Variants in SMC3 observed in about 807,000 individuals in gnomAD.
SMC3 encodes the protein structural maintenance of chromosomes protein 3.
A neutral mutation model predicts 171.8 loss-of-function variants in SMC3; 20 were observed. The ratio of observed to expected loss-of-function variants is 0.12; its 90% CI spans 0.08 to 0.17. The LOEUF (loss-of-function observed/expected upper bound fraction) is 0.17. Among genes scored for constraint, SMC3 ranks in the 10% least tolerant of loss-of-function variants. SMC3 has a pLI of 1.00. For synonymous variants in SMC3, 464 were observed against 451.1 expected (o/e 1.03, Z -0.36); for missense variants, 543 against 1,420.4 (o/e 0.38, Z 9.93).
intron 23 of SMC3, 95 bp from the exon 24 acceptor site, chr10:110,601,542 C>G: frequency 7.5e-7 from 1 of 1,332,326 alleles, no homozygotes; most frequent in Non-Finnish European, 1.0e-6. Flanking sequence ...AAACCTAAAA[C>G]CTATTTTGGT....
intron 4 of SMC3, among the ~76,000 whole-genome samples, chr10:110,576,382 C>T (rs538369263): frequency 9.2e-5 from 14 of 152,168 alleles, no homozygotes; most frequent in African/African-American, 3.4e-4. Context: ...TGCATAAGCA[C>T]GATGATTGGG....
At position 110,605,377 on chromosome 10, in the gene SMC3, G is replaced by C. The variant is rs1861453008; in HGVS notation, c.*1075G>C. 1.3e-5 allele frequency among the ~76,000 whole-genome samples: 2 copies of C among 152,228 alleles called. No individual in the cohort carries two copies. Among genetic ancestry groups the C allele is most frequent in the South Asian group, 4.1e-4 (2 of 4,820 alleles). ...ACATAGACAGTCATGTCATTTGCAA[G>C]AAAGAGGCAGTTTTATTTCTTCCTT... On this transcript the variant is annotated 3_prime_UTR_variant, in exon 29 of 29. Transcript: ENST00000361804.
intron 18 of SMC3, 35 bp downstream of exon 18, chr10:110,593,258 A>G (rs1429434973): frequency 1.9e-6 from 3 of 1,594,418 alleles, no homozygotes; most frequent in Non-Finnish European, 2.6e-6. Flanking sequence ...TAAACAGATA[A>G]ATTCTAACAA....
At chr10:110,572,784 C>G (rs1294261479) in intron 2 of SMC3, among the ~76,000 whole-genome samples, 1 of 152,168 alleles carries the variant, frequency 6.6e-6, no homozygotes, top group Non-Finnish European at 1.5e-5. Flanking sequence ...TTCCAGCACT[C>G]CTTTCACATT....
chr10:110,597,371 G>C (rs1861317156), intron 19 of SMC3, among the ~76,000 whole-genome samples: 1 of 152,026 alleles, frequency 6.6e-6, no homozygotes, highest in Non-Finnish European at 1.5e-5. Flanking sequence ...CCACCATGGT[G>C]CTTTGGTATA....
chr10:110,575,531 AGT>A, intron 4 of SMC3, 128 bp downstream of exon 4: 1 of 756,292 alleles, frequency 1.3e-6, no homozygotes, highest in Non-Finnish European at 2.2e-6. Context: ...CTTTCTCATA[AGT>A]GTGTTACTCT....
At chr10:110,591,769 C>G (rs1861208009) in intron 17 of SMC3, among the ~76,000 whole-genome samples, 2 of 152,048 alleles carry the variant, frequency 1.3e-5, no homozygotes, top group Admixed American at 1.3e-4. Context: ...AAGCTGAAAC[C>G]CCATGAGAAT....
chr10:110,593,287 T>A, intron 18 of SMC3, 64 bp downstream of exon 18: 3 of 1,550,174 alleles, frequency 1.9e-6, no homozygotes, highest in East Asian at 2.3e-5. Flanking sequence ...AAACATATAA[T>A]CTGGCTGGGC....
intron 9 of SMC3, among the ~76,000 whole-genome samples, chr10:110,582,304 A>C: frequency 6.6e-6 from 1 of 152,208 alleles, no homozygotes; most frequent in South Asian, 2.1e-4. Flanking sequence ...AAATATAATC[A>C]GATGGTGGTA....
At chr10:110,589,766 A>C (rs1177471346) in intron 14 of SMC3, 58 bp downstream of exon 14, 1 of 1,416,114 alleles carries the variant, frequency 7.1e-7, no homozygotes, top group Non-Finnish European at 1.0e-6. Context: ...ACTAGCTGTT[A>C]TGTGGTCTTT....
rs144306349 is a variant in SMC3 at position 110,582,089 on chromosome 10, A to G, written c.714A>G (p.Lys238=). ...AGGAACTTAACGAGACTCGTGCCAA[A>G]CTTGATGAGGTAAAATATTTACCTG... ...YNQELNETRA[K]LDELSAKRET... is the part of the protein sequence containing the mutation. Residue 238 remains lysine, a synonymous_variant, in exon 9 of 29, where the codon AAA becomes AAG. Transcript: ENST00000361804. 6.8e-6 allele frequency: 11 copies of G among 1,613,100 alleles called. No individual in the cohort carries two copies. Among genetic ancestry groups the G allele is most frequent in the Non-Finnish European group, 9.3e-6 (11 of 1,179,296 alleles).
In SMC3 at chr10:110,597,143, CAA is replaced by C. The variant is rs11347729; in HGVS notation, c.2116+607_2116+608del. On this transcript the variant is annotated intron_variant, in intron 19 of 28. Coordinates refer to ENST00000361804, the MANE Select transcript of SMC3 (RefSeq NM_005445.4). ...TGGGTGACAAAGTGGGACCCTGTCT[CAA>C]AAAAAAAAAAAAAGGTGACAGGGGA... Among the ~76,000 whole-genome samples the C allele has an allele frequency of 8.3e-3, 1,118 of 135,294 alleles. 12 individuals are homozygous for C. Among genetic ancestry groups the C allele is most frequent in the African/African-American group, 0.02 (740 of 36,742 alleles). The allele number at this position is 135,294 out of a possible 152,430, so 88.8% of individuals were successfully genotyped here.
In SMC3 at chr10:110,589,877, C is replaced by CT. The variant is rs774433334; in HGVS notation, c.1410-10dup. ...TGTGTTTAAAATTAAAGACAGTCTACTTTTTATTTATTAGCTACTTGTGGA... is the reference window on the plus strand; with the variant it reads ...TGTGTTTAAAATTAAAGACAGTCTACTTTTTTATTTATTAGCTACTTGTGGA... On this transcript the variant is annotated splice_polypyrimidine_tract_variant and intron_variant, in intron 14 of 28. Coordinates refer to ENST00000361804, the MANE Select transcript of SMC3 (RefSeq NM_005445.4). The CT allele has an allele frequency of 6.2e-7, 1 of 1,609,750 alleles. No homozygotes were observed. The highest frequency in any genetic ancestry group is 1.7e-5 in the Admixed American group (1 of 60,008).
At chr10:110,591,993 G>A (rs1861212592) in intron 17 of SMC3, among the ~76,000 whole-genome samples, 1 of 152,154 alleles carries the variant, frequency 6.6e-6, no homozygotes, top group Admixed American at 6.5e-5. Context: ...GCCAGGCTCG[G>A]TGGCTCACAC....
At chr10:110,581,269 G>A (rs1861026090) in intron 8 of SMC3, among the ~76,000 whole-genome samples, 1 of 144,314 alleles carries the variant, frequency 6.9e-6, no homozygotes, top group Non-Finnish European at 1.5e-5. Context: ...CCAGGCTGGA[G>A]TGCAGTGGCG....
chr10:110,603,605 T>C (rs1861420954), intron 28 of SMC3, among the ~76,000 whole-genome samples: 2 of 152,198 alleles, frequency 1.3e-5, no homozygotes, highest in Admixed American at 6.5e-5. Flanking sequence ...CTGGGTGTCT[T>C]CCCAACCTTA....
intron 15 of SMC3, 120 bp downstream of exon 15, chr10:110,590,111 A>G (rs928978867): frequency 1.3e-6 from 1 of 787,110 alleles, no homozygotes; most frequent in Non-Finnish European, 2.2e-6. Flanking sequence ...AGGAGTCCAA[A>G]TTATCTTCTA....
intron 16 of SMC3, 87 bp downstream of exon 16, chr10:110,590,659 C>T (rs1021533836): frequency 2.0e-5 from 22 of 1,109,024 alleles, no homozygotes; most frequent in Non-Finnish European, 2.8e-5. Flanking sequence ...TACAACATAT[C>T]TTCCATTATC....
intron 7 of SMC3, among the ~76,000 whole-genome samples, chr10:110,580,229 G>GT (rs1169297980): frequency 6.6e-6 from 1 of 151,988 alleles, no homozygotes; most frequent in African/African-American, 2.4e-5. Context: ...TTGGATTTTG[G>GT]TACCTGCAGG....
Sources: allele counts gnomAD v4.1 joint callset (sites outside exome capture counted in the v4.1 genomes callset), GRCh38; gene constraint gnomAD v4.1.1; transcripts MANE v1.5; gene names NCBI Gene and HGNC (gene_info 2026-07-23, HGNC 2026-07-21).